Variants in ZRANB3 observed in about 807,000 individuals in gnomAD.
The protein encoded by ZRANB3 is DNA annealing helicase and endonuclease ZRANB3.
A neutral mutation model predicts 133.8 loss-of-function variants in ZRANB3; 125 were observed. The observed-to-expected ratio is 0.93, with a 90% confidence interval of 0.81 to 1.08. The LOEUF (loss-of-function observed/expected upper bound fraction) is 1.08, where lower values mean the gene tolerates loss of function less well. ZRANB3 is among the 50% of genes least tolerant of loss of function. The probability of loss-of-function intolerance (pLI) is 0.00; values close to 1 mark genes in which losing one functional copy is unlikely to be tolerated. For synonymous variants in ZRANB3, 387 were observed against 432.7 expected, an observed-to-expected ratio of 0.89 and a Z score of 1.31; for missense variants, 1,229 against 1,275.5, an observed-to-expected ratio of 0.96 and a Z score of 0.56.
At chr2:135,436,253 C>T (rs1225910869) in intron 2 of ZRANB3, among the ~76,000 whole-genome samples, 3 of 152,048 alleles carry the variant, frequency 2.0e-5, no homozygotes, top group Non-Finnish European at 1.5e-5. Context: ...TTTCCCCCAT[C>T]GCTTGATTTT....
At chr2:135,526,056 T>A (rs898115113) in intron 1 of ZRANB3, among the ~76,000 whole-genome samples, 3 of 151,810 alleles carry the variant, frequency 2.0e-5, no homozygotes, top group African/African-American at 7.3e-5. Context: ...GGAGTTGCAG[T>A]TGTTGTTTGA....
At chr2:135,522,675 T>C (rs2104844488) in intron 1 of ZRANB3, among the ~76,000 whole-genome samples, 1 of 152,124 alleles carries the variant, frequency 6.6e-6, no homozygotes. Flanking sequence ...ATCACACCAC[T>C]GCACTCCAGC....
chr2:135,493,030 T>G (rs904560177), intron 2 of ZRANB3, among the ~76,000 whole-genome samples: 1 of 146,580 alleles, frequency 6.8e-6, no homozygotes, highest in African/African-American at 2.5e-5. Context: ...TAACTAGATA[T>G]TGGTATGAAG....
intron 8 of ZRANB3, among the ~76,000 whole-genome samples, chr2:135,294,659 T>G (rs895446774): frequency 6.6e-6 from 1 of 152,226 alleles, no homozygotes; most frequent in South Asian, 2.1e-4. Flanking sequence ...TGTTTGCTCT[T>G]GCTTCTCTAG....
intron 12 of ZRANB3, among the ~76,000 whole-genome samples, chr2:135,238,555 G>T (rs563334496): frequency 6.6e-6 from 1 of 152,128 alleles, no homozygotes; most frequent in East Asian, 1.9e-4. Context: ...GTAGAGATGG[G>T]GTTTCACCTG....
chr2:135,290,680 C>T (rs752372220), intron 8 of ZRANB3, among the ~76,000 whole-genome samples: 1 of 151,864 alleles, frequency 6.6e-6, no homozygotes, highest in South Asian at 2.1e-4. Flanking sequence ...CCTCCACCCC[C>T]ACCCCATTGT....
intron 2 of ZRANB3, among the ~76,000 whole-genome samples, chr2:135,490,580 A>T (rs1559034036): frequency 6.6e-6 from 1 of 152,184 alleles, no homozygotes; most frequent in Non-Finnish European, 1.5e-5. Flanking sequence ...CATGGAAACC[A>T]ATATGGAGAT....
At chr2:135,466,844 A>G (rs1425148627) in intron 2 of ZRANB3, among the ~76,000 whole-genome samples, 1 of 151,836 alleles carries the variant, frequency 6.6e-6, no homozygotes, top group Non-Finnish European at 1.5e-5. Context: ...CACTCAGCTA[A>G]TTTTTGTATT....
intron 2 of ZRANB3, among the ~76,000 whole-genome samples, chr2:135,399,600 G>A (rs1408612436): frequency 2.6e-5 from 4 of 152,112 alleles, no homozygotes; most frequent in Non-Finnish European, 5.9e-5. Flanking sequence ...ATTTTCTTTA[G>A]ACACTTTAAC....
intron 1 of ZRANB3, chr2:135,511,852 TGCA>T (rs1693473498): frequency 2.6e-6 from 2 of 765,428 alleles, no homozygotes; most frequent in East Asian, 4.9e-5. Context: ...ATAAAATCTA[TGCA>T]GCATGTCTGG....
chr2:135,414,443 G>A lies in ZRANB3; in HGVS notation c.162-23623C>T, dbSNP rs929799520. 1.6e-4 allele frequency among the ~76,000 whole-genome samples: 24 copies of A among 152,090 alleles called. 1 individual carries two copies. The highest frequency in any genetic ancestry group is 1.1e-3 in the Admixed American group (17 of 15,270). ...TATGCACCCAATACAGGAGCATCCCGATTCATAAAGCGAGTCCTGAGTGAC... is the reference window on the plus strand; with the variant it reads ...TATGCACCCAATACAGGAGCATCCCAATTCATAAAGCGAGTCCTGAGTGAC... On this transcript the variant is annotated intron_variant, in intron 2 of 20. Transcript: ENST00000264159.
At chr2:135,228,133 A>C (rs1348282416) in intron 13 of ZRANB3, 118 bp from the exon 14 acceptor site, 1 of 890,560 alleles carries the variant, frequency 1.1e-6, no homozygotes, top group African/African-American at 1.7e-5. Flanking sequence ...CATATGTTCA[A>C]AACATTTATC....
intron 6 of ZRANB3, among the ~76,000 whole-genome samples, chr2:135,320,203 G>A (rs1683454863): frequency 6.6e-6 from 1 of 152,196 alleles, no homozygotes. Context: ...ACCAGGCCGA[G>A]CTAAAAGTGA....
At chr2:135,412,938 T>C (rs1383128351) in intron 2 of ZRANB3, among the ~76,000 whole-genome samples, 1 of 152,174 alleles carries the variant, frequency 6.6e-6, no homozygotes, top group African/African-American at 2.4e-5. Context: ...AAGGATTTAT[T>C]TGTATTACTC....
At chr2:135,273,336 A>G (rs1680630720) in intron 9 of ZRANB3, among the ~76,000 whole-genome samples, 1 of 152,196 alleles carries the variant, frequency 6.6e-6, no homozygotes, top group African/African-American at 2.4e-5. Context: ...TCACTTTTAT[A>G]AGGGAATATC....
intron 2 of ZRANB3, among the ~76,000 whole-genome samples, chr2:135,443,847 A>G (rs1689903017): frequency 6.6e-6 from 1 of 152,180 alleles, no homozygotes; most frequent in Admixed American, 6.5e-5. Flanking sequence ...AAAATAAAGT[A>G]ACAAGTCACA....
At chr2:135,230,454 G>T (rs527927272) in intron 13 of ZRANB3, 59 bp downstream of exon 13, 1 of 1,415,166 alleles carries the variant, frequency 7.1e-7, no homozygotes, top group Non-Finnish European at 9.3e-7. Flanking sequence ...TAAAAGCACA[G>T]GTTATCTGAA....
intron 10 of ZRANB3, 144 bp downstream of exon 10, chr2:135,271,624 G>T: frequency 2.0e-6 from 2 of 982,406 alleles, no homozygotes. Flanking sequence ...ATACTTTCTG[G>T]AACTCTCTGA....
At chr2:135,483,206 T>C (rs1216040838) in intron 2 of ZRANB3, among the ~76,000 whole-genome samples, 2 of 152,050 alleles carry the variant, frequency 1.3e-5, no homozygotes, top group African/African-American at 2.4e-5. Context: ...CAGCTCCTCC[T>C]TGTACCTCTG....
Sources: allele counts gnomAD v4.1 joint callset (sites outside exome capture counted in the v4.1 genomes callset), GRCh38; gene constraint gnomAD v4.1.1; transcripts MANE v1.5; gene names NCBI Gene and HGNC (gene_info 2026-07-23, HGNC 2026-07-21).